OTOG: variants seen among roughly 807,000 people sequenced by gnomAD.
OTOG encodes otogelin.
A neutral mutation model predicts 313.8 loss-of-function variants in OTOG; 296 were observed. The observed-to-expected ratio is 0.94, with a 90% CI of 0.86 to 1.04. The LOEUF is 1.04. Among genes scored for constraint, OTOG ranks in the 50% least tolerant of loss-of-function variants. The pLI, the probability that OTOG is intolerant of heterozygous loss-of-function variation, is 0.00. For synonymous variants in OTOG, 1,533 were observed against 1,554.9 expected (o/e 0.99, Z 0.33); for missense variants, 3,948 against 3,840.1 (o/e 1.03, Z -0.74).
At chr11:17,608,210 C>T (rs545930058) in intron 33 of OTOG, 86 bp from the exon 34 acceptor site, 7 of 907,998 alleles carry the variant, frequency 7.7e-6, no homozygotes, top group South Asian at 6.0e-5. Flanking sequence ...TTTGTCCCCT[C>T]CACAGGATGG....
At position 17,631,766 on chromosome 11, in the gene OTOG, T is replaced by C. The variant is rs962221641; in HGVS notation, c.6777T>C (p.Ala2259=). The C allele has an allele frequency of 3.9e-6, 6 of 1,550,490 alleles. No individual in the cohort carries two copies. Among genetic ancestry groups the C allele is most frequent in the Non-Finnish European group, 5.2e-6 (6 of 1,147,010 alleles). Residue 2259 remains alanine, a synonymous_variant, in exon 41 of 56, where the codon GCT becomes GCC. Transcript: ENST00000399397. ...TLKDGSVVGG[A]EDPAPFLDSW... ...AGGATGGCTCAGTGGTGGGTGGGGC[T>C]GAGGACCCTGCTCCCTTTCTGGACA...
rs1853589891 is a variant in OTOG at position 17,612,627 on chromosome 11, C to A, written c.6300C>A (p.Cys2100Ter). 6.5e-7 allele frequency: 1 copy of A among 1,550,294 alleles called. No individual in the cohort carries two copies. The highest frequency in any genetic ancestry group is 8.7e-7 in the Non-Finnish European group (1 of 1,146,780). The change falls in exon 38 of 56, where the codon TGC (cysteine) becomes TGA (stop). Residue 2100 changes from cysteine (C) to a stop codon, truncating the protein, a stop_gained. Coordinates refer to ENST00000399397, the MANE Select transcript of OTOG (RefSeq NM_001292063.2). LOFTEE classifies it high-confidence loss of function. ...GCCCTGCCCCTCCCCCAGGCCGGTG[C>A]TCAATCTTCCCTGACCTGAGCTTCG... ...CCPLWECACR[C>*]SIFPDLSFVT...
At position 17,553,204 on chromosome 11, in the gene OTOG, C is replaced by A; in HGVS notation, c.378C>A (p.Cys126Ter). The A allele has an allele frequency of 6.5e-7, 1 of 1,550,378 alleles. No homozygotes were observed. Among genetic ancestry groups the A allele is most frequent in the Non-Finnish European group, 8.7e-7 (1 of 1,146,940 alleles). ...GCTTCAATGCCACTGGACCGCGCTG[C>A]CAGATGGGTGGGTCTGGGCTCCACC... Reference protein sequence around the residue: ...CRRFNATGPRCQMVYNAGPER... With the variant: ...CRRFNATGPR The change falls in exon 5 of 56, where the codon TGC becomes TGA. Residue 126 changes from cysteine (C) to a stop codon, truncating the protein, a stop_gained. Transcript: ENST00000399397. LOFTEE classifies it high-confidence loss of function.
chr11:17,619,110 T>C (rs1853801727), intron 39 of OTOG, among the ~76,000 whole-genome samples: 1 of 151,926 alleles, frequency 6.6e-6, no homozygotes, highest in Non-Finnish European at 1.5e-5. Flanking sequence ...TAAAAATATA[T>C]ATATTAAAAA....
At chr11:17,571,981 T>C (rs1343792058) in intron 17 of OTOG, 99 bp from the exon 18 acceptor site, 49 of 1,453,574 alleles carry the variant, frequency 3.4e-5, no homozygotes, top group Non-Finnish European at 4.5e-5. Flanking sequence ...TGACTATGTG[T>C]GTGTATATGA....
At chr11:17,594,293 T>C (rs1853035200) in intron 28 of OTOG, 127 bp downstream of exon 28, 3 of 1,198,792 alleles carry the variant, frequency 2.5e-6, no homozygotes, top group Admixed American at 4.4e-5. Context: ...TCTCTCAGCC[T>C]CTGACTGCAT....
chr11:17,555,622 C>T lies in OTOG; in HGVS notation c.541-157C>T, dbSNP rs1186646994. ...ACCTCTCTGTGAATCCATTGCCTCC[C>T]CTCTGTGATGTATGGGGACTGAGCG... On this transcript the variant is annotated intron_variant, in intron 6 of 55. Transcript: ENST00000399397. 6 of 595,874 alleles carry T rather than the reference C, an allele frequency of 1.0e-5. No individual in the cohort carries two copies. In the African/African-American group the frequency reaches 1.1e-4, roughly 11 times the overall value. The allele number at this position is 595,874 out of a possible 1,614,324, so 36.9% of individuals were successfully genotyped here.
chr11:17,564,718 C>A (rs1852262897), intron 15 of OTOG, among the ~76,000 whole-genome samples: 2 of 152,156 alleles, frequency 1.3e-5, no homozygotes, highest in Admixed American at 1.3e-4. Flanking sequence ...CTTTGACTAA[C>A]TACTTTGCAA....
Position 17,610,484 on chromosome 11 carries a change from C to G in OTOG, c.5184C>G (p.Ala1728=), listed in dbSNP as rs543256557. 44 of 1,550,572 alleles carry G rather than the reference C, an allele frequency of 2.8e-5. No individual in the cohort carries two copies. In the East Asian group the frequency reaches 3.9e-4, roughly 14 times the overall value. Residue 1728 remains alanine (A), a synonymous_variant, in exon 36 of 56, where the codon GCC becomes GCG. Transcript: ENST00000399397. Reference sequence around the variant, plus strand: ...TGCTATCCACAGAGAAGGGCGAAGCCGGGCACAGCCAGCCCATGGGCTCGC... The same window carrying G: ...TGCTATCCACAGAGAAGGGCGAAGCGGGGCACAGCCAGCCCATGGGCTCGC... ...EIVLSTEKGE[A]GHSQPMGSPA...
intron 31 of OTOG, 114 bp downstream of exon 31, chr11:17,599,811 C>T (rs1049454174): frequency 7.8e-7 from 1 of 1,276,016 alleles, no homozygotes; most frequent in African/African-American, 1.5e-5. Flanking sequence ...AGAGCCGTGA[C>T]CCGGAATGGG....
At position 17,629,219 on chromosome 11, in the gene OTOG, G is replaced by C; in HGVS notation, c.6615G>C (p.Leu2205=). 6.4e-7 allele frequency: 1 copy of C among 1,550,622 alleles called. No individual in the cohort carries two copies. Among genetic ancestry groups the C allele is most frequent in the Non-Finnish European group, 8.7e-7 (1 of 1,147,000 alleles). Residue 2205 remains leucine (L), a synonymous_variant, in exon 40 of 56, where the codon CTG becomes CTC. Coordinates refer to ENST00000399397, the MANE Select transcript of OTOG (RefSeq NM_001292063.2). Reference sequence around the variant, plus strand: ...ACACAGGCCACATGTACATGATCCTGACTCCCTCAGACATCCAGATCCAGT... The same window carrying C: ...ACACAGGCCACATGTACATGATCCTCACTCCCTCAGACATCCAGATCCAGT... ...IEDTGHMYMI[L]TPSDIQIQWL... is the part of the protein sequence containing the mutation.
In OTOG at chr11:17,547,361, C is replaced by G. The variant is rs1376301559; in HGVS notation, c.-12C>G. ...GCCCTGCGCTCAAGTCCTCCGGTCC[C>G]CTCGTGTCCCTATGGGAGTCCTGGC... On this transcript the variant is annotated 5_prime_UTR_variant, in exon 1 of 56. Coordinates refer to ENST00000399397, the MANE Select transcript of OTOG (RefSeq NM_001292063.2). 3 of 1,349,418 alleles carry G rather than the reference C, an allele frequency of 2.2e-6. No homozygotes were observed. The highest frequency in any genetic ancestry group is 1.9e-5 in the South Asian group (1 of 52,030). 83.6% of individuals were successfully genotyped at this position (1,349,418 alleles called of 1,614,324 possible).
intron 39 of OTOG, among the ~76,000 whole-genome samples, chr11:17,615,403 T>G (rs1296220929): frequency 2.0e-5 from 3 of 152,242 alleles, no homozygotes; most frequent in Non-Finnish European, 4.4e-5. Context: ...GATACTGGTG[T>G]TGTACTTGAT....
At chr11:17,600,466 G>A (rs1853221737) in intron 31 of OTOG, among the ~76,000 whole-genome samples, 1 of 152,200 alleles carries the variant, frequency 6.6e-6, no homozygotes. Flanking sequence ...AGGCCTATGT[G>A]GGCAGAGGCC....
intron 24 of OTOG, among the ~76,000 whole-genome samples, chr11:17,589,866 AGCATT>A (rs1165562935): frequency 1.3e-4 from 20 of 152,160 alleles, no homozygotes; most frequent in African/African-American, 4.6e-4. Context: ...ACCTGTGGGC[AGCATT>A]TGACACAGTT....
rs1208991274 is a variant in OTOG, at chr11:17,609,208, C to G, written c.4353C>G (p.Asp1451Glu). Reference sequence around the variant, plus strand: ...CACAGAGATGTGTCTACTTGGAGGACTGTAAGTGGCCCAGACTTCTCATCC... The same window carrying G: ...CACAGAGATGTGTCTACTTGGAGGAGTGTAAGTGGCCCAGACTTCTCATCC... ...EVTQRCVYLE[D>E]CVEPAVWVPT... Residue 1451 changes from aspartate (D) to glutamate (E), a missense_variant and splice_region_variant, in exon 35 of 56, where the codon GAC becomes GAG. Asp to Glu is a conservative substitution (Grantham distance 45, BLOSUM62 2). Coordinates refer to ENST00000399397, the MANE Select transcript of OTOG (RefSeq NM_001292063.2). 3 of 1,550,140 alleles carry G rather than the reference C, an allele frequency of 1.9e-6. No homozygotes were observed. The highest frequency in any genetic ancestry group is 2.6e-6 in the Non-Finnish European group (3 of 1,146,682).
At chr11:17,630,920 A>T (rs1854106768) in intron 40 of OTOG, among the ~76,000 whole-genome samples, 1 of 152,244 alleles carries the variant, frequency 6.6e-6, no homozygotes, top group African/African-American at 2.4e-5. Flanking sequence ...GTGCCTTAAC[A>T]CAACAGAAGC....
intron 8 of OTOG, 126 bp from the exon 9 acceptor site, chr11:17,558,059 C>T (rs1010249384): frequency 2.5e-6 from 3 of 1,218,150 alleles, no homozygotes; most frequent in South Asian, 1.6e-5. Flanking sequence ...GATGGGAGCT[C>T]AGGAGACCGG....
intron 39 of OTOG, among the ~76,000 whole-genome samples, chr11:17,624,038 T>TTAACTGGATGTA (rs1214122076): frequency 6.6e-6 from 1 of 152,236 alleles, no homozygotes; most frequent in Non-Finnish European, 1.5e-5. Context: ...AAGTTCCTTA[T>TTAACTGGATGTA]AGATACTGGA....
Sources: gnomAD v4.1 joint callset for allele counts (sites outside exome capture counted in the v4.1 genomes callset) on GRCh38, gnomAD v4.1.1 for gene constraint, MANE v1.5 for transcripts, NCBI Gene and HGNC (gene_info 2026-07-23, HGNC 2026-07-21) for gene names.